The following SLC6A5 variants were observed in gnomAD, a reference collection of about 807,000 sequenced individuals.
The protein encoded by SLC6A5 is sodium- and chloride-dependent glycine transporter 2.
SLC6A5 carries 58 observed loss-of-function variants against 90.5 expected under a neutral mutation model. The ratio of observed to expected loss-of-function variants is 0.64; its 90% CI spans 0.52 to 0.80. The LOEUF (loss-of-function observed/expected upper bound fraction) is 0.80. Among genes scored for constraint, SLC6A5 ranks in the 30% least tolerant of loss-of-function variants. The pLI, the probability that SLC6A5 is intolerant of heterozygous loss-of-function variation, is 0.00. For synonymous variants in SLC6A5, 427 were observed against 401.4 expected (o/e 1.06, Z -0.76); for missense variants, 1,015 against 1,017.6 (o/e 1.00, Z 0.03).
At chr11:20,621,346 A>G (rs1000526318) in intron 7 of SLC6A5, among the ~76,000 whole-genome samples, 22 of 152,310 alleles carry the variant, frequency 1.4e-4, no homozygotes, top group African/African-American at 5.3e-4. Flanking sequence ...AATATTCTCT[A>G]GGATTCTTTT....
intron 5 of SLC6A5, among the ~76,000 whole-genome samples, chr11:20,608,958 CTGTGTGTGTGTG>C (rs71063652): frequency 9.0e-6 from 1 of 110,860 alleles, no homozygotes; most frequent in African/African-American, 3.1e-5. Flanking sequence ...CTCTCTCTCT[CTGTGTGTGTGTG>C]TGTGTGTGTG....
intron 5 of SLC6A5, among the ~76,000 whole-genome samples, chr11:20,608,171 T>TC: frequency 6.6e-6 from 1 of 152,320 alleles, no homozygotes; most frequent in East Asian, 1.9e-4. Context: ...CTTCACAAGA[T>TC]ACTGCTCAGT....
rs759208670 is a variant in SLC6A5 at position 20,601,119 on chromosome 11, G to A, written c.4-10G>A. 4.4e-6 allele frequency: 7 copies of A among 1,584,644 alleles called. No individual in the cohort carries two copies. The South Asian group carries it at 6.8e-5, about 15-fold the overall frequency. On this transcript the variant is annotated splice_polypyrimidine_tract_variant and intron_variant, in intron 1 of 15. Coordinates refer to ENST00000525748, the MANE Select transcript of SLC6A5 (RefSeq NM_004211.5). ...CTTTGTTTTGCACGAACTTGACATT[G>A]TGTTTGCAGGATTGCAGTGCTCCCA...
chr11:20,640,389 G>A (rs540034801), intron 13 of SLC6A5, among the ~76,000 whole-genome samples: 1 of 152,222 alleles, frequency 6.6e-6, no homozygotes, highest in East Asian at 1.9e-4. Flanking sequence ...GAATTAAATA[G>A]TCTCCCCCGC....
intron 8 of SLC6A5, 21 bp from the exon 9 acceptor site, chr11:20,627,959 T>G: frequency 1.3e-6 from 2 of 1,596,288 alleles, no homozygotes; most frequent in Non-Finnish European, 1.7e-6. Context: ...GTCTTGAATC[T>G]CTTTCCCTTT....
chr11:20,630,853 T>C, intron 10 of SLC6A5, 38 bp downstream of exon 10: 1 of 1,611,038 alleles, frequency 6.2e-7, no homozygotes. Context: ...GCAGGGCAGG[T>C]CCCAGGCTCA....
chr11:20,624,631 A>G (rs1438256094), intron 7 of SLC6A5, among the ~76,000 whole-genome samples: 2 of 152,308 alleles, frequency 1.3e-5, no homozygotes, highest in East Asian at 1.9e-4. Context: ...TCATGGGGGC[A>G]GGTATTCCAG....
chr11:20,637,887 T>C (rs1035264481), intron 12 of SLC6A5, among the ~76,000 whole-genome samples: 2 of 152,222 alleles, frequency 1.3e-5, no homozygotes, highest in Admixed American at 6.5e-5. Context: ...TTACTCAGTA[T>C]ATATATTGCT....
chr11:20,606,920 G>GGA, intron 3 of SLC6A5, 87 bp from the exon 4 acceptor site: 5 of 1,558,102 alleles, frequency 3.2e-6, no homozygotes, highest in Non-Finnish European at 4.4e-6. Context: ...TCTTTGAGAG[G>GGA]GAGCTCAGCC....
chr11:20,649,339 C>T (rs1853480128), intron 14 of SLC6A5, among the ~76,000 whole-genome samples: 1 of 152,154 alleles, frequency 6.6e-6, no homozygotes, highest in Admixed American at 6.5e-5. Flanking sequence ...ATGAGTCTCC[C>T]TCCAGCACCT....
intron 11 of SLC6A5, 146 bp from the exon 12 acceptor site, chr11:20,637,026 C>T (rs1330613334): frequency 1.2e-6 from 1 of 823,930 alleles, no homozygotes; most frequent in Non-Finnish European, 2.0e-6. Context: ...CCCAAGGAGG[C>T]TTTTTAGACC....
chr11:20,638,369 T>C, intron 12 of SLC6A5, 90 bp from the exon 13 acceptor site: 1 of 824,366 alleles, frequency 1.2e-6, no homozygotes, highest in Non-Finnish European at 2.1e-6. Context: ...CTGACTCTTT[T>C]TAGGATTGAG....
At chr11:20,652,126 A>G (rs1853545077) in intron 14 of SLC6A5, among the ~76,000 whole-genome samples, 163 bp from the exon 15 acceptor site, 2 of 152,142 alleles carry the variant, frequency 1.3e-5, no homozygotes, top group South Asian at 4.1e-4. Flanking sequence ...TCTCTTTGAA[A>G]TTTAGTTTCT....
intron 2 of SLC6A5, among the ~76,000 whole-genome samples, chr11:20,602,706 CACAT>C (rs139945464): frequency 0.053 from 7,932 of 148,908 alleles, 588 homozygotes; most frequent in East Asian, 0.35. Flanking sequence ...CACACACACA[CACAT>C]ACACATTCAC....
intron 13 of SLC6A5, among the ~76,000 whole-genome samples, chr11:20,643,976 G>A (rs1853361830): frequency 6.6e-6 from 1 of 152,146 alleles, no homozygotes; most frequent in African/African-American, 2.4e-5. Context: ...AGTCGTGTCT[G>A]GAGTGGAGTT....
intron 2 of SLC6A5, among the ~76,000 whole-genome samples, chr11:20,602,477 T>G (rs977119919): frequency 3.3e-5 from 5 of 152,068 alleles, no homozygotes; most frequent in Admixed American, 6.6e-5. Context: ...TTCCCTCTCG[T>G]CTCTCTCCTT....
intron 14 of SLC6A5, among the ~76,000 whole-genome samples, chr11:20,647,536 A>G (rs1013059187): frequency 6.6e-6 from 1 of 151,134 alleles, no homozygotes; most frequent in African/African-American, 2.4e-5. Flanking sequence ...ATTTCCCATT[A>G]TATCAGTCTG....
At chr11:20,648,794 C>T (rs537796886) in intron 14 of SLC6A5, among the ~76,000 whole-genome samples, 2 of 152,294 alleles carry the variant, frequency 1.3e-5, no homozygotes, top group African/African-American at 4.8e-5. Flanking sequence ...TCTGGAATAA[C>T]ATTTCACATA....
intron 13 of SLC6A5, among the ~76,000 whole-genome samples, chr11:20,641,621 T>C (rs961035295): frequency 5.3e-5 from 8 of 152,214 alleles, no homozygotes; most frequent in Admixed American, 5.2e-4. Flanking sequence ...ATCTGAAATG[T>C]CATGGTATAC....
Sources: allele counts gnomAD v4.1 joint callset (sites outside exome capture counted in the v4.1 genomes callset), GRCh38; gene constraint gnomAD v4.1.1; transcripts MANE v1.5; gene names NCBI Gene and HGNC (gene_info 2026-07-23, HGNC 2026-07-21).